RANBP17: variants seen among roughly 807,000 people sequenced by gnomAD.
RANBP17 encodes the protein ran-binding protein 17.
Under a neutral mutation model 141.2 loss-of-function variants are expected in RANBP17, and 158 were observed. The ratio of observed to expected loss-of-function variants is 1.12; its 90% CI spans 0.98 to 1.28. The LOEUF is 1.28. RANBP17 is among the 50% of genes most tolerant of loss of function. RANBP17 has a pLI of 0.00. For synonymous variants in RANBP17, 430 were observed against 450.0 expected (o/e 0.96, Z 0.56); for missense variants, 1,438 against 1,290.7 (o/e 1.11, Z -1.75).
chr5:171,007,342 T>G (rs1156362407), intron 14 of RANBP17, among the ~76,000 whole-genome samples: 1 of 141,964 alleles, frequency 7.0e-6, no homozygotes, highest in Non-Finnish European at 1.5e-5. Flanking sequence ...AGAAAGAAAC[T>G]GTAAACCAGA....
At chr5:171,045,655 G>C (rs1782535040) in intron 14 of RANBP17, among the ~76,000 whole-genome samples, 1 of 152,058 alleles carries the variant, frequency 6.6e-6, no homozygotes, top group Non-Finnish European at 1.5e-5. Context: ...AAGCAAAATA[G>C]CCTCTAAAAC....
chr5:171,023,037 C>T (rs1011921587), intron 14 of RANBP17, among the ~76,000 whole-genome samples: 2 of 152,204 alleles, frequency 1.3e-5, no homozygotes, highest in African/African-American at 4.8e-5. Context: ...CTCCCCTGCC[C>T]CATGTGGCTC....
intron 14 of RANBP17, among the ~76,000 whole-genome samples, chr5:171,096,362 G>C (rs552067301): frequency 6.6e-6 from 1 of 152,244 alleles, no homozygotes; most frequent in Non-Finnish European, 1.5e-5. Context: ...CTTCCAAAAA[G>C]GATTTGAAGC....
At chr5:171,005,387 A>G (rs920131035) in intron 14 of RANBP17, among the ~76,000 whole-genome samples, 1 of 152,220 alleles carries the variant, frequency 6.6e-6, no homozygotes, top group African/African-American at 2.4e-5. Flanking sequence ...TACTGGTATC[A>G]AAACAGAGAT....
intron 13 of RANBP17, among the ~76,000 whole-genome samples, chr5:170,960,115 G>T (rs1311049962): frequency 6.6e-6 from 1 of 152,152 alleles, no homozygotes; most frequent in Non-Finnish European, 1.5e-5. Flanking sequence ...CTAGAGTAAG[G>T]GAAGGAGTAA....
In RANBP17 at chr5:171,236,635, G is replaced by GA. The variant is rs1250693404; in HGVS notation, c.2423-4283dup. Among the ~76,000 whole-genome samples the GA allele has an allele frequency of 6.2e-3, 926 of 148,256 alleles. 12 individuals are homozygous for GA. The highest frequency in any genetic ancestry group is 0.017 in the African/African-American group (696 of 40,496). ...AGTTCCTCCAAATGTGAACTTACAG[G>GA]AAAAAAAAAACTGAGCCCCAAGTAC... is the stretch of plus-strand genomic sequence containing the variant. On this transcript the variant is annotated intron_variant, in intron 22 of 27. Coordinates refer to ENST00000523189, the MANE Select transcript of RANBP17 (RefSeq NM_022897.5).
At chr5:171,029,325 A>G (rs1201881238) in intron 14 of RANBP17, 4 of 152,652 alleles carry the variant, frequency 2.6e-5, no homozygotes, top group Non-Finnish European at 5.8e-5. Context: ...CAATTTTAAT[A>G]CTTATCCTTA....
chr5:170,930,039 AT>A (rs1164663140), intron 12 of RANBP17, among the ~76,000 whole-genome samples: 1 of 151,728 alleles, frequency 6.6e-6, no homozygotes, highest in Non-Finnish European at 1.5e-5. Context: ...TAATTTTGTC[AT>A]TTTTTTCTTT....
In RANBP17 at chr5:171,298,888, C is replaced by T; in HGVS notation, c.*30C>T. On this transcript the variant is annotated 3_prime_UTR_variant, in exon 28 of 28. Coordinates refer to ENST00000523189, the MANE Select transcript of RANBP17 (RefSeq NM_022897.5). The stretch of plus-strand genomic sequence containing the variant: ...ACTTTTCTGACCATGTGCGGAGCAG[C>T]CTTTATCAAGAGACTCCTGAAGGTC... The T allele has an allele frequency of 6.4e-7, 1 of 1,568,300 alleles. No homozygotes were observed. Among genetic ancestry groups the T allele is most frequent in the Non-Finnish European group, 8.8e-7 (1 of 1,138,744 alleles).
At chr5:171,084,158 G>A (rs1222137341) in intron 14 of RANBP17, among the ~76,000 whole-genome samples, 1 of 133,532 alleles carries the variant, frequency 7.5e-6, no homozygotes, top group Non-Finnish European at 1.5e-5. Context: ...TCCCCTTCCT[G>A]TGTCCATGTG....
chr5:171,105,365 G>C (rs865915167), intron 14 of RANBP17, among the ~76,000 whole-genome samples: 39 of 113,302 alleles, frequency 3.4e-4, no homozygotes, highest in African/African-American at 1.3e-3. Flanking sequence ...CTGGGCGACA[G>C]AGCGAGACTC....
At chr5:171,155,448 T>C (rs1174337248) in intron 14 of RANBP17, among the ~76,000 whole-genome samples, 1 of 152,112 alleles carries the variant, frequency 6.6e-6, no homozygotes, top group Non-Finnish European at 1.5e-5. Flanking sequence ...GAGCATTTAC[T>C]ATTAAAAAAG....
chr5:171,265,943 CT>C, intron 25 of RANBP17, 96 bp downstream of exon 25: 2 of 1,012,456 alleles, frequency 2.0e-6, no homozygotes, highest in East Asian at 2.5e-5. Flanking sequence ...CTTGCCAAGA[CT>C]TTTTATACTG....
chr5:170,951,862 T>C (rs1038637708), intron 12 of RANBP17, among the ~76,000 whole-genome samples: 7 of 152,138 alleles, frequency 4.6e-5, no homozygotes, highest in Admixed American at 3.3e-4. Flanking sequence ...ATATAAATAT[T>C]GTTGGAAAGA....
intron 14 of RANBP17, among the ~76,000 whole-genome samples, chr5:171,155,191 A>G (rs1351314874): frequency 1.3e-5 from 2 of 148,884 alleles, no homozygotes; most frequent in Non-Finnish European, 3.0e-5. Context: ...AGCTGTGCCT[A>G]TTTTGATTGT....
intron 14 of RANBP17, among the ~76,000 whole-genome samples, chr5:171,052,146 A>G (rs1273602727): frequency 6.6e-6 from 1 of 152,138 alleles, no homozygotes; most frequent in Admixed American, 6.6e-5. Flanking sequence ...TACATTCTGG[A>G]TATGAAATCC....
chr5:171,232,184 T>G (rs958293478), intron 22 of RANBP17, among the ~76,000 whole-genome samples: 1 of 152,198 alleles, frequency 6.6e-6, no homozygotes, highest in Admixed American at 6.5e-5. Context: ...TTTAAGATTT[T>G]TATATCTACT....
intron 19 of RANBP17, among the ~76,000 whole-genome samples, chr5:171,200,901 G>A (rs1022310121): frequency 6.6e-6 from 1 of 152,186 alleles, no homozygotes; most frequent in Non-Finnish European, 1.5e-5. Context: ...GATTCTGTTT[G>A]TGTTTATAGT....
intron 14 of RANBP17, among the ~76,000 whole-genome samples, chr5:171,164,885 C>T (rs1561721287): frequency 6.6e-6 from 1 of 152,150 alleles, no homozygotes; most frequent in Non-Finnish European, 1.5e-5. Context: ...GTTAATTGAA[C>T]ATATTTGTAA....
Sources: allele counts gnomAD v4.1 joint callset (sites outside exome capture counted in the v4.1 genomes callset), GRCh38; gene constraint gnomAD v4.1.1; transcripts MANE v1.5; gene names NCBI Gene and HGNC (gene_info 2026-07-23, HGNC 2026-07-21).